Variants in CNOT6L observed in about 807,000 individuals in gnomAD.
CNOT6L encodes the protein CCR4-NOT transcription complex subunit 6-like.
In CNOT6L, 7 loss-of-function variants were observed where a neutral mutation model predicts 64.0. The observed-to-expected ratio is 0.11, with a 90% confidence interval of 0.06 to 0.21. The LOEUF is 0.21. Among genes scored for constraint, CNOT6L ranks in the 10% least tolerant of loss-of-function variants. The pLI is 1.00. For missense variants in CNOT6L, 245 were observed against 669.0 expected (o/e 0.37, Z 6.99); for synonymous variants, 193 against 243.4 (o/e 0.79, Z 1.93).
intron 1 of CNOT6L, among the ~76,000 whole-genome samples, chr4:77,812,167 G>A (rs556624893): frequency 3.9e-5 from 6 of 152,090 alleles, no homozygotes; most frequent in Admixed American, 2.0e-4. Context: ...AGAACTGGCC[G>A]GGTGCAGTGA....
intron 3 of CNOT6L, 24 bp from the exon 4 acceptor site, chr4:77,773,190 T>A (rs763850374): frequency 7.9e-5 from 87 of 1,096,940 alleles, no homozygotes; most frequent in Admixed American, 1.8e-4. Flanking sequence ...AAAAAAAAAA[T>A]TAGTTTAATA....
In CNOT6L at chr4:77,773,204, TAA is replaced by T. The variant is rs564239905; in HGVS notation, c.315-40_315-39del. 7.9e-4 allele frequency: 961 copies of T among 1,214,614 alleles called. 19 individuals are homozygous for T. In the South Asian group the frequency reaches 0.013, roughly 16 times the overall value. 75.2% of individuals were successfully genotyped at this position (1,214,614 alleles called of 1,614,324 possible). On this transcript the variant is annotated intron_variant, in intron 3 of 11. Transcript: ENST00000504123. The stretch of plus-strand genomic sequence containing the variant: ...AAAAAAAAAAATTAGTTTAATATAC[TAA>T]GTTTTATTAACATCTGTATTTGCCA...
intron 5 of CNOT6L, among the ~76,000 whole-genome samples, chr4:77,754,700 T>C (rs1232371662): frequency 6.6e-6 from 1 of 151,686 alleles, no homozygotes; most frequent in African/African-American, 2.4e-5. Flanking sequence ...CACTGTTACA[T>C]TGCTATAAAG....
intron 1 of CNOT6L, among the ~76,000 whole-genome samples, chr4:77,789,945 CAAAAAAAAAAAAAAAAAAAAAA>C (rs58242121): frequency 1.2e-5 from 1 of 83,310 alleles, no homozygotes; most frequent in Non-Finnish European, 2.3e-5. Context: ...GACACTGTCT[CAAAAAAAAAAAAAAAAAAAAAA>C]AAAAAAAAAA....
In CNOT6L at chr4:77,718,504, C is replaced by T. The variant is rs1720973303; in HGVS notation, c.*1927G>A. The stretch of plus-strand genomic sequence containing the variant: ...TTCTTTTTGTTTGTTTATCCTGGTA[C>T]TTTAACATTTTTAAAAGATATTTTA... On this transcript the variant is annotated 3_prime_UTR_variant, in exon 12 of 12. Coordinates refer to ENST00000504123, the MANE Select transcript of CNOT6L (RefSeq NM_144571.3). The T allele has an allele frequency of 6.6e-6, 1 of 152,502 alleles. No individual in the cohort carries two copies. The highest frequency in any genetic ancestry group is 2.1e-4 in the South Asian group (1 of 4,822). 9.4% of individuals were successfully genotyped at this position (152,502 alleles called of 1,614,324 possible).
chr4:77,772,764 T>C (rs1727716473), intron 4 of CNOT6L, among the ~76,000 whole-genome samples: 1 of 151,804 alleles, frequency 6.6e-6, no homozygotes, highest in Non-Finnish European at 1.5e-5. Context: ...CTACTAAAAA[T>C]ACAAAAAAAT....
At chr4:77,788,202 A>T (rs1729671283) in intron 1 of CNOT6L, among the ~76,000 whole-genome samples, 1 of 152,208 alleles carries the variant, frequency 6.6e-6, no homozygotes, top group African/African-American at 2.4e-5. Context: ...ACAGTTTTTT[A>T]AAAACTTGGA....
chr4:77,714,425 T>A lies in CNOT6L; in HGVS notation c.*6006A>T, dbSNP rs1720515775. 2 of 109,088 alleles carry A rather than the reference T, an allele frequency of 1.8e-5. No homozygotes were observed. The highest frequency in any genetic ancestry group is 3.8e-5 in the African/African-American group (1 of 26,400). 6.8% of individuals were successfully genotyped at this position (109,088 alleles called of 1,614,324 possible). The stretch of plus-strand genomic sequence containing the variant: ...GGCCCTTATAGAGAGAAAAAGTACA[T>A]ACACACTCTCTTTAAAAAAAAAAAA... On this transcript the variant is annotated 3_prime_UTR_variant, in exon 12 of 12. Transcript: ENST00000504123.
intron 10 of CNOT6L, among the ~76,000 whole-genome samples, chr4:77,727,663 C>G (rs916709857): frequency 6.7e-6 from 1 of 149,898 alleles, no homozygotes; most frequent in Non-Finnish European, 1.5e-5. Context: ...CCAACCATGA[C>G]AGTCTGGTAC....
At position 77,772,918 on chromosome 4, in the gene CNOT6L, G is replaced by A. The variant is rs559358018; in HGVS notation, c.400+163C>T. Among the ~76,000 whole-genome samples the A allele has an allele frequency of 2.0e-4, 31 of 151,950 alleles. No individual in the cohort carries two copies. The East Asian group carries it at 2.9e-3, about 14-fold the overall frequency. On this transcript the variant is annotated intron_variant, in intron 4 of 11. Coordinates refer to ENST00000504123, the MANE Select transcript of CNOT6L (RefSeq NM_144571.3). ...AGCCTGGGCGACAGACCAAGACTCC[G>A]TCTCAAACAAACAAACAAACAAACA...
chr4:77,770,389 T>G (rs1310176849), intron 4 of CNOT6L, among the ~76,000 whole-genome samples: 2 of 152,204 alleles, frequency 1.3e-5, no homozygotes, highest in Admixed American at 1.3e-4. Context: ...CTAATAAAAC[T>G]GACTTTGAAA....
At chr4:77,730,545 GGAA>G (rs564769538) in intron 9 of CNOT6L, among the ~76,000 whole-genome samples, 229 of 152,096 alleles carry the variant, frequency 1.5e-3, no homozygotes, top group African/African-American at 5.4e-3. Flanking sequence ...CCAAACTTTG[GGAA>G]GAATAAGATT....
intron 1 of CNOT6L, among the ~76,000 whole-genome samples, chr4:77,813,943 A>C (rs1733259683): frequency 6.6e-6 from 1 of 152,192 alleles, no homozygotes; most frequent in Admixed American, 6.5e-5. Flanking sequence ...GAACTTGTAC[A>C]TGAATGTTCA....
intron 1 of CNOT6L, among the ~76,000 whole-genome samples, chr4:77,793,379 T>C (rs1730394191): frequency 1.3e-5 from 2 of 152,190 alleles, no homozygotes; most frequent in East Asian, 1.9e-4. Context: ...ACAAACATTA[T>C]CCATAGTGTT....
At chr4:77,803,635 T>C (rs1039235445) in intron 1 of CNOT6L, among the ~76,000 whole-genome samples, 1 of 152,122 alleles carries the variant, frequency 6.6e-6, no homozygotes, top group African/African-American at 2.4e-5. Context: ...CAGGTGCGGT[T>C]GCTCATGCCT....
intron 1 of CNOT6L, 60 bp downstream of exon 1, chr4:77,819,244 G>A: frequency 6.2e-7 from 1 of 1,612,994 alleles, no homozygotes; most frequent in South Asian, 1.1e-5. Flanking sequence ...TCATTTCCCC[G>A]GGGACGCGCT....
intron 1 of CNOT6L, among the ~76,000 whole-genome samples, chr4:77,806,435 A>G (rs1296457484): frequency 6.6e-6 from 1 of 152,186 alleles, no homozygotes; most frequent in African/African-American, 2.4e-5. Context: ...CAAAAAAAAA[A>G]AAAGATTAAT....
chr4:77,752,888 A>C (rs975979352), intron 5 of CNOT6L, among the ~76,000 whole-genome samples: 1 of 151,974 alleles, frequency 6.6e-6, no homozygotes, highest in East Asian at 1.9e-4. Flanking sequence ...ACAATAAAGA[A>C]GACCAATGAA....
At chr4:77,788,525 CA>C (rs1729720317) in intron 1 of CNOT6L, among the ~76,000 whole-genome samples, 1 of 152,154 alleles carries the variant, frequency 6.6e-6, no homozygotes, top group Non-Finnish European at 1.5e-5. Flanking sequence ...CTCAGGAGTT[CA>C]AGACCAGCCT....
Sources: gnomAD v4.1 joint callset for allele counts (sites outside exome capture counted in the v4.1 genomes callset) on GRCh38, gnomAD v4.1.1 for gene constraint, MANE v1.5 for transcripts, NCBI Gene and HGNC (gene_info 2026-07-23, HGNC 2026-07-21) for gene names.